DISC1: variants seen among roughly 807,000 people sequenced by gnomAD.
DISC1 encodes the protein disrupted in schizophrenia 1 protein.
DISC1 carries 57 observed loss-of-function variants against 84.5 expected under a neutral mutation model. That is an observed-to-expected ratio of 0.67 (90% CI 0.55 to 0.84). The LOEUF (loss-of-function observed/expected upper bound fraction) is 0.84. Ranked by LOEUF, DISC1 falls within the 40% of genes least tolerant of loss-of-function variation. DISC1 has a pLI of 0.00. For synonymous variants in DISC1, 411 were observed against 415.2 expected (o/e 0.99, Z 0.12); for missense variants, 1,000 against 1,057.8 (o/e 0.95, Z 0.76).
chr1:231,892,587 CAAAT>C (rs1377533526), intron 9 of DISC1, among the ~76,000 whole-genome samples: 1 of 151,156 alleles, frequency 6.6e-6, no homozygotes, highest in Non-Finnish European at 1.5e-5. Context: ...TAATTGGAAA[CAAAT>C]AAGGTACTAA....
chr1:231,829,368 T>C (rs2082064511), intron 9 of DISC1, among the ~76,000 whole-genome samples: 1 of 152,206 alleles, frequency 6.6e-6, no homozygotes, highest in South Asian at 2.1e-4. Context: ...TTTTGTGCCT[T>C]TATAAGTTTT....
At chr1:231,718,680 C>T (rs2069145339) in intron 3 of DISC1, among the ~76,000 whole-genome samples, 2 of 152,214 alleles carry the variant, frequency 1.3e-5, no homozygotes, top group African/African-American at 4.8e-5. Flanking sequence ...AGGTCATCTG[C>T]CCGCCTCGGC....
intron 12 of DISC1, among the ~76,000 whole-genome samples, chr1:232,034,047 CA>C (rs1438664979): frequency 2.0e-5 from 3 of 152,096 alleles, no homozygotes; most frequent in Non-Finnish European, 4.4e-5. Context: ...TCAGTACATC[CA>C]AAATGCTTTG....
At position 231,800,190 on chromosome 1, in the gene DISC1, C is replaced by G; in HGVS notation, c.1772C>G (p.Ala591Gly). The change falls in exon 8 of 13, where the codon GCC (alanine) becomes GGC (glycine). Residue 591 changes from alanine (A) to glycine (G), a missense_variant. Coordinates refer to ENST00000439617, the MANE Select transcript of DISC1 (RefSeq NM_018662.3). ...ACCCAACTACCAGCCTTGCTTGAAG[C>G]CAAAATGCATGCCATATCAGGTAAC... ...IETQLPALLEAKMHAISGNHF... is the reference protein window; with the variant it reads ...IETQLPALLEGKMHAISGNHF... The G allele has an allele frequency of 1.2e-6, 2 of 1,611,912 alleles. No homozygotes were observed. The highest frequency in any genetic ancestry group is 1.1e-5 in the South Asian group (1 of 91,060).
At chr1:231,704,759 C>CAAAAA in intron 3 of DISC1, among the ~76,000 whole-genome samples, 1 of 24,326 alleles carries the variant, frequency 4.1e-5, no homozygotes, top group Admixed American at 5.9e-4. Context: ...GACTCCGTCT[C>CAAAAA]AAAAAAAAAA....
chr1:231,834,570 G>T (rs1461673657), intron 9 of DISC1, among the ~76,000 whole-genome samples: 1 of 152,158 alleles, frequency 6.6e-6, no homozygotes, highest in Admixed American at 6.5e-5. Flanking sequence ...AGTTTGCATT[G>T]GGGTCAAGCG....
At chr1:231,987,964 G>A (rs1018300039) in intron 10 of DISC1, among the ~76,000 whole-genome samples, 1 of 152,128 alleles carries the variant, frequency 6.6e-6, no homozygotes, top group African/African-American at 2.4e-5. Context: ...TGGAGCAGGT[G>A]GATTTGAGGT....
rs148111679 is a variant in DISC1, at chr1:231,818,344, C to A, written c.1808C>A (p.Thr603Lys). 2.5e-6 allele frequency: 4 copies of A among 1,613,830 alleles called. No homozygotes were observed. In the Admixed American group the frequency reaches 6.7e-5, roughly 27 times the overall value. Residue 603 changes from threonine to lysine, a missense_variant, in exon 9 of 13, where the codon ACG becomes AAG. Physicochemically the swap from Thr to Lys is moderately conservative, Grantham distance 78. Transcript: ENST00000439617. ...MHAISGNHFW[T>K]AKDLTEEIRS... ...CGTGCTGTAGGAAACCATTTCTGGA[C>A]GGCTAAAGACCTCACCGAGGAGATT...
At chr1:232,007,361 C>G (rs1667592507) in intron 10 of DISC1, among the ~76,000 whole-genome samples, 1 of 152,142 alleles carries the variant, frequency 6.6e-6, no homozygotes, top group South Asian at 2.1e-4. Context: ...GGGACTGTAC[C>G]CTGCAAAGCC....
At chr1:231,658,694 C>A (rs2061338418) in intron 1 of DISC1, among the ~76,000 whole-genome samples, 1 of 151,880 alleles carries the variant, frequency 6.6e-6, no homozygotes, top group Non-Finnish European at 1.5e-5. Flanking sequence ...TGAAGGGATG[C>A]CAGATTTTAT....
At chr1:232,026,690 T>C (rs1669492599) in intron 12 of DISC1, 138 bp downstream of exon 12, 1 of 653,678 alleles carries the variant, frequency 1.5e-6, no homozygotes, top group Non-Finnish European at 2.7e-6. Flanking sequence ...ACCTCAGATC[T>C]CTGAGATTAT....
rs547770430 is a variant in DISC1, at chr1:231,723,864, C to T, written c.1117+21840C>T. ...GGCTACATCTTCTTACCCAAACAAC[C>T]AGGAGCATTTGTTGGCAAGTTTATT... On this transcript the variant is annotated intron_variant, in intron 3 of 12. Transcript: ENST00000439617. 98 of 985,376 alleles carry T rather than the reference C, an allele frequency of 9.9e-5. 1 individual carries two copies. The South Asian group carries it at 4.2e-3, about 42-fold the overall frequency. 61.0% of individuals were successfully genotyped at this position (985,376 alleles called of 1,614,324 possible).
At chr1:231,784,792 C>G (rs1403196749) in intron 6 of DISC1, among the ~76,000 whole-genome samples, 2 of 152,100 alleles carry the variant, frequency 1.3e-5, no homozygotes, top group Non-Finnish European at 2.9e-5. Context: ...TGTGCTTTGC[C>G]AAAGGTGGCA....
intron 9 of DISC1, among the ~76,000 whole-genome samples, chr1:231,906,996 TTC>T (rs1374854739): frequency 6.6e-6 from 1 of 151,714 alleles, no homozygotes; most frequent in Non-Finnish European, 1.5e-5. Context: ...TTTTCTTTCT[TTC>T]TTTCTCTCTC....
chr1:231,981,844 C>T (rs929063484), intron 10 of DISC1, among the ~76,000 whole-genome samples: 38 of 152,080 alleles, frequency 2.5e-4, no homozygotes, highest in African/African-American at 8.4e-4. Flanking sequence ...GTTTGACGGT[C>T]GGTGAAGGTT....
At chr1:231,840,963 T>C (rs1216574099) in intron 9 of DISC1, among the ~76,000 whole-genome samples, 1 of 152,224 alleles carries the variant, frequency 6.6e-6, no homozygotes, top group Non-Finnish European at 1.5e-5. Flanking sequence ...TACCACGTGC[T>C]TTACCTGTCT....
chr1:231,663,555 C>T (rs2061736070), intron 1 of DISC1, among the ~76,000 whole-genome samples: 1 of 152,202 alleles, frequency 6.6e-6, no homozygotes, highest in Non-Finnish European at 1.5e-5. Flanking sequence ...TGAACATTCT[C>T]ACTTTGGTTG....
chr1:231,709,937 T>G (rs1257600450), intron 3 of DISC1, among the ~76,000 whole-genome samples: 1 of 152,214 alleles, frequency 6.6e-6, no homozygotes, highest in Non-Finnish European at 1.5e-5. Flanking sequence ...CTCATAGGTT[T>G]TCTGCTTCTT....
rs190557668 is a variant in DISC1, at chr1:232,038,041, G to T, written c.*1210G>T. 6.6e-6 allele frequency: 1 copy of T among 152,190 alleles called. No homozygotes were observed. Among genetic ancestry groups the T allele is most frequent in the East Asian group, 1.9e-4 (1 of 5,166 alleles). 9.4% of individuals were successfully genotyped at this position (152,190 alleles called of 1,614,324 possible). A position where few individuals can be genotyped will look rare whatever the true frequency, so the allele number is the denominator to read the frequency against. ...ATACAGTACAGTACTCAGTAAGGCA[G>T]TATGGTACTCAGTAAAGCAATGCAA... On this transcript the variant is annotated 3_prime_UTR_variant, in exon 13 of 13. Coordinates refer to ENST00000439617, the MANE Select transcript of DISC1 (RefSeq NM_018662.3).
Sources: gnomAD v4.1 joint callset for allele counts (sites outside exome capture counted in the v4.1 genomes callset) on GRCh38, gnomAD v4.1.1 for gene constraint, MANE v1.5 for transcripts, NCBI Gene and HGNC (gene_info 2026-07-23, HGNC 2026-07-21) for gene names.